CALY: variants seen among roughly 807,000 people sequenced by gnomAD.
The protein encoded by CALY is calcyon neuron specific vesicular protein.
In CALY, 15 loss-of-function variants were observed where a neutral mutation model predicts 20.2. That is an observed-to-expected ratio of 0.74 (90% CI 0.50 to 1.14). CALY has a LOEUF of 1.14. CALY is among the 50% of genes most tolerant of loss of function. CALY has a pLI of 0.00. For synonymous variants in CALY, 129 were observed against 131.8 expected (o/e 0.98, Z 0.15); for missense variants, 270 against 304.4 (o/e 0.89, Z 0.84).
chr10:133,327,380 G>GGGGTGGGTGTGGTTACCCTGCGC, intron 3 of CALY: 1 of 509,550 alleles, frequency 2.0e-6, no homozygotes, highest in Non-Finnish European at 3.5e-6. Flanking sequence ...CACAGTGGGT[G>GGGGTGGGTGTGGTTACCCTGCGC]CATGTGTGGT....
intron 4 of CALY, 51 bp from the exon 5 acceptor site, chr10:133,326,171 C>T (rs765647667): frequency 1.9e-6 from 3 of 1,573,638 alleles, no homozygotes; most frequent in Non-Finnish European, 2.6e-6. Flanking sequence ...TCCTGTGCGC[C>T]CCGGGCCCAG....
chr10:133,326,649 C>A (rs945648647), intron 4 of CALY, among the ~76,000 whole-genome samples: 9 of 152,172 alleles, frequency 5.9e-5, no homozygotes, highest in African/African-American at 2.2e-4. Flanking sequence ...CCTTTTCTGC[C>A]TCATCTTTTT....
chr10:133,334,872 G>A (rs1848407348), intron 1 of CALY, among the ~76,000 whole-genome samples: 1 of 152,086 alleles, frequency 6.6e-6, no homozygotes, highest in African/African-American at 2.4e-5. Flanking sequence ...CCCTGTGCCT[G>A]CCGGGCCTTT....
At chr10:133,336,034 G>T (rs1848435964) in intron 1 of CALY, among the ~76,000 whole-genome samples, 1 of 152,056 alleles carries the variant, frequency 6.6e-6, no homozygotes, top group Admixed American at 6.5e-5. Context: ...GCGTCACGCT[G>T]GGGGGTGCGC....
chr10:133,335,214 G>A (rs1848418034), intron 1 of CALY, among the ~76,000 whole-genome samples: 1 of 152,092 alleles, frequency 6.6e-6, no homozygotes, highest in African/African-American at 2.4e-5. Flanking sequence ...GGGGTCGGGG[G>A]TCTCCCCGGA....
Position 133,327,855 on chromosome 10 carries a change from C to T in CALY, c.246+50G>A, listed in dbSNP as rs202191305. The T allele has an allele frequency of 2.5e-5, 32 of 1,289,854 alleles. No individual in the cohort carries two copies. The African/African-American group carries it at 4.2e-4, about 17-fold the overall frequency. The allele number at this position is 1,289,854 out of a possible 1,614,324, so 79.9% of individuals were successfully genotyped here. ...CCAGGCACCCCCAGCTGCCTTCCACCTTCTCCTCCTGTCCTGAGTCCCCAC... is the reference window on the plus strand; with the variant it reads ...CCAGGCACCCCCAGCTGCCTTCCACTTTCTCCTCCTGTCCTGAGTCCCCAC... On this transcript the variant is annotated intron_variant, in intron 3 of 5. Transcript: ENST00000252939.
At chr10:133,326,397 A>G in intron 4 of CALY, 1 of 808,900 alleles carries the variant, frequency 1.2e-6, no homozygotes, top group Non-Finnish European at 2.1e-6. Context: ...AGCGCGCTCC[A>G]GAGCATAAAC....
intron 1 of CALY, among the ~76,000 whole-genome samples, 158 bp from the exon 2 acceptor site, chr10:133,329,167 C>T (rs371285030): frequency 6.6e-6 from 1 of 152,352 alleles, no homozygotes; most frequent in South Asian, 2.1e-4. Context: ...TTGGACAAAC[C>T]GGTCAAATCC....
At chr10:133,329,481 A>G (rs1016978102) in intron 1 of CALY, among the ~76,000 whole-genome samples, 2 of 149,008 alleles carry the variant, frequency 1.3e-5, no homozygotes, top group African/African-American at 5.0e-5. Flanking sequence ...TTGCCTCCTG[A>G]GCTTCAGCAG....
chr10:133,325,401 A>C lies in CALY; in HGVS notation c.*194T>G. ...GGGAGAAAGGCCAGCCCGGCAGAGG[A>C]CGCGCAGGAGAGATGGAAGCCTCCG... On this transcript the variant is annotated 3_prime_UTR_variant, in exon 6 of 6. Coordinates refer to ENST00000252939, the MANE Select transcript of CALY (RefSeq NM_015722.4). 6.5e-6 allele frequency: 1 copy of C among 154,694 alleles called. No homozygotes were observed. The highest frequency in any genetic ancestry group is 1.4e-5 in the Non-Finnish European group (1 of 69,806). The allele number at this position is 154,694 out of a possible 1,614,324, so 9.6% of individuals were successfully genotyped here.
At chr10:133,334,213 G>C (rs1215496299) in intron 1 of CALY, among the ~76,000 whole-genome samples, 1 of 1,912 alleles carries the variant, frequency 5.2e-4, no homozygotes, top group Admixed American at 3.3e-3. Context: ...GGATCTGAGG[G>C]GGGAAGGATC....
intron 3 of CALY, 114 bp from the exon 4 acceptor site, chr10:133,327,105 C>T: frequency 1.4e-6 from 1 of 718,958 alleles, no homozygotes. Context: ...TCTTGATGCC[C>T]CACCCCCGCC....
chr10:133,326,213 G>A, intron 4 of CALY, 93 bp from the exon 5 acceptor site: 8 of 1,552,976 alleles, frequency 5.2e-6, no homozygotes, highest in Non-Finnish European at 7.0e-6. Flanking sequence ...GGGACACTGC[G>A]GACAGTTTGT....
intron 1 of CALY, among the ~76,000 whole-genome samples, chr10:133,334,875 G>GGGC (rs1589857724): frequency 6.6e-6 from 1 of 152,056 alleles, no homozygotes; most frequent in African/African-American, 2.4e-5. Context: ...TGTGCCTGCC[G>GGGC]GGCCTTTCTG....
At chr10:133,327,386 G>C in intron 3 of CALY, 1 of 507,686 alleles carries the variant, frequency 2.0e-6, no homozygotes, top group South Asian at 3.0e-5. Flanking sequence ...GGGTGCATGT[G>C]TGGTAACATG....
At chr10:133,332,838 G>A (rs1848332860) in intron 1 of CALY, among the ~76,000 whole-genome samples, 1 of 152,122 alleles carries the variant, frequency 6.6e-6, no homozygotes, top group African/African-American at 2.4e-5. Context: ...GCAGAGATTG[G>A]AACGATGCAG....
chr10:133,326,401 C>T, intron 4 of CALY: 1 of 757,264 alleles, frequency 1.3e-6, no homozygotes. Flanking sequence ...CGCTCCAGAG[C>T]ATAAACCATG....
At chr10:133,328,103 G>C in intron 2 of CALY, 88 bp from the exon 3 acceptor site, 1 of 804,282 alleles carries the variant, frequency 1.2e-6, no homozygotes. Context: ...GCCAGCGTCA[G>C]CTTCGTGGCA....
chr10:133,326,271 A>T (rs1166679957), intron 4 of CALY, 151 bp from the exon 5 acceptor site: 4 of 1,550,406 alleles, frequency 2.6e-6, no homozygotes, highest in Non-Finnish European at 3.5e-6. Context: ...CCAGTTCAGA[A>T]CTCAGGGCCC....
Sources: gnomAD v4.1 joint callset for allele counts (sites outside exome capture counted in the v4.1 genomes callset) on GRCh38, gnomAD v4.1.1 for gene constraint, MANE v1.5 for transcripts, NCBI Gene and HGNC (gene_info 2026-07-23, HGNC 2026-07-21) for gene names.